The following ADAM22 variants were observed in gnomAD, a reference collection of about 807,000 sequenced individuals.
ADAM22 encodes the protein disintegrin and metalloproteinase domain-containing protein 22.
In ADAM22, 65 loss-of-function variants were observed where a neutral mutation model predicts 144.6. The ratio of observed to expected loss-of-function variants is 0.45; its 90% confidence interval spans 0.37 to 0.55. The LOEUF is 0.55. Among genes scored for constraint, ADAM22 ranks in the 20% least tolerant of loss-of-function variants. The pLI is 0.00. For missense variants in ADAM22, 974 were observed against 1,184.9 expected (o/e 0.82, Z 2.61); for synonymous variants, 391 against 412.6 (o/e 0.95, Z 0.63).
At chr7:87,959,110 T>C (rs1256576963) in intron 2 of ADAM22, among the ~76,000 whole-genome samples, 1 of 152,138 alleles carries the variant, frequency 6.6e-6, no homozygotes, top group African/African-American at 2.4e-5. Context: ...TGTAGTTTTT[T>C]TTTTAAAAAA....
chr7:88,000,634 C>G (rs528639206), intron 3 of ADAM22, among the ~76,000 whole-genome samples: 8 of 151,948 alleles, frequency 5.3e-5, no homozygotes, highest in Admixed American at 4.6e-4. Flanking sequence ...TTTTTAAAAT[C>G]TTGGTTTTTC....
rs771777317 is a variant in ADAM22 at position 88,075,661 on chromosome 7, T to C, written c.359T>C (p.Ile120Thr). ...LLSSEYIERH[I>T]EHGGKTVEVK... Reference sequence around the variant, plus strand: ...TCCTCTGAATACATAGAGAGACACATTGAACATGGAGGCAAGACTGTGGAA... The same window carrying C: ...TCCTCTGAATACATAGAGAGACACACTGAACATGGAGGCAAGACTGTGGAA... The change falls in exon 4 of 32, where the codon ATT (isoleucine) becomes ACT (threonine). Residue 120 changes from isoleucine (I) to threonine (T), a missense_variant. Physicochemically the swap from Ile to Thr is moderately conservative, Grantham distance 89. Coordinates refer to ENST00000413139, the MANE Select transcript of ADAM22 (RefSeq NM_001324418.2). 14 of 1,613,756 alleles carry C rather than the reference T, an allele frequency of 8.7e-6. No homozygotes were observed. The highest frequency in any genetic ancestry group is 2.2e-5 in the South Asian group (2 of 91,066).
chr7:88,029,415 A>G (rs974559636), intron 3 of ADAM22, among the ~76,000 whole-genome samples: 22 of 151,896 alleles, frequency 1.4e-4, no homozygotes, highest in Non-Finnish European at 3.1e-4. Context: ...TCTACTTTTT[A>G]TTGTACTGTC....
intron 3 of ADAM22, among the ~76,000 whole-genome samples, chr7:87,997,753 C>T (rs935039926): frequency 1.3e-5 from 2 of 152,210 alleles, no homozygotes; most frequent in African/African-American, 4.8e-5. Context: ...GCTCTTATTC[C>T]ACCATATCTT....
chr7:88,193,793 G>T (rs1218848140), intron 31 of ADAM22, among the ~76,000 whole-genome samples: 2 of 152,218 alleles, frequency 1.3e-5, no homozygotes, highest in Non-Finnish European at 2.9e-5. Flanking sequence ...TTTAGCTGCT[G>T]GTTAGACTCT....
At chr7:88,079,428 A>G (rs1421439904) in intron 4 of ADAM22, among the ~76,000 whole-genome samples, 1 of 152,194 alleles carries the variant, frequency 6.6e-6, no homozygotes, top group East Asian at 1.9e-4. Flanking sequence ...CTAGGAAGAA[A>G]CTGCATCAAC....
At chr7:87,944,937 T>A (rs1046642805) in intron 2 of ADAM22, among the ~76,000 whole-genome samples, 1 of 151,490 alleles carries the variant, frequency 6.6e-6, no homozygotes, top group Non-Finnish European at 1.5e-5. Context: ...ATGTGTGTGT[T>A]TTTTTCTTTT....
At chr7:87,972,824 G>C (rs1412133851) in intron 2 of ADAM22, among the ~76,000 whole-genome samples, 4 of 152,012 alleles carry the variant, frequency 2.6e-5, no homozygotes, top group African/African-American at 7.2e-5. Context: ...ACAAACCTGA[G>C]AAAAACCAGC....
intron 29 of ADAM22, 191 bp from the exon 30 acceptor site, chr7:88,186,424 C>G (rs1848325763): frequency 1.8e-5 from 11 of 595,784 alleles, no homozygotes; most frequent in East Asian, 1.2e-4. Context: ...CTTGATTGAG[C>G]CTTGTTGTAG....
chr7:88,181,326 T>C (rs1846959528), intron 27 of ADAM22, among the ~76,000 whole-genome samples, 179 bp from the exon 28 acceptor site: 1 of 152,178 alleles, frequency 6.6e-6, no homozygotes, highest in Non-Finnish European at 1.5e-5. Context: ...AATTGGATGT[T>C]GTGTAATTCT....
intron 3 of ADAM22, among the ~76,000 whole-genome samples, chr7:88,034,873 A>G (rs141159225): frequency 6.6e-6 from 1 of 152,288 alleles, no homozygotes; most frequent in Non-Finnish European, 1.5e-5. Context: ...TCTCTGTGCC[A>G]TGAGGCTGCT....
At chr7:88,067,300 G>C (rs1021822070) in intron 3 of ADAM22, among the ~76,000 whole-genome samples, 1 of 151,022 alleles carries the variant, frequency 6.6e-6, no homozygotes, top group African/African-American at 2.4e-5. Flanking sequence ...CAATGTGCAG[G>C]TTAGTTACAT....
At position 88,145,436 on chromosome 7, in the gene ADAM22, G is replaced by A. The variant is rs747898058; in HGVS notation, c.1414G>A (p.Glu472Lys). The change falls in exon 17 of 32, where the codon GAG becomes AAG. Residue 472 changes from glutamate to lysine, a missense_variant. Glu to Lys is a moderately conservative substitution (Grantham distance 56). This residue lies in a region of ADAM22 where 734 missense variants were observed against 950.6 expected (regional missense o/e 0.77). Transcript: ENST00000413139. ...TTAGGAATGTGTCCTTGAAGGAGCAGAGTGTTGTAAGAAATGCACCTTGAC... is the reference window on the plus strand; with the variant it reads ...TTAGGAATGTGTCCTTGAAGGAGCAAAGTGTTGTAAGAAATGCACCTTGAC... ...TPAECVLEGA[E>K]CCKKCTLTQD... 1 of 1,613,518 alleles carries A rather than the reference G, an allele frequency of 6.2e-7. No individual in the cohort carries two copies.
At chr7:88,013,436 AT>A (rs572415264) in intron 3 of ADAM22, among the ~76,000 whole-genome samples, 1 of 151,836 alleles carries the variant, frequency 6.6e-6, no homozygotes, top group Non-Finnish European at 1.5e-5. Context: ...ATTAATTTTC[AT>A]TTTTTGTCAC....
chr7:88,046,806 T>C (rs1194794429), intron 3 of ADAM22, among the ~76,000 whole-genome samples: 5 of 152,244 alleles, frequency 3.3e-5, no homozygotes. Context: ...TCCAACACTA[T>C]TACAGTTAGG....
At chr7:87,942,709 T>C (rs1481966172) in intron 2 of ADAM22, among the ~76,000 whole-genome samples, 1 of 152,178 alleles carries the variant, frequency 6.6e-6, no homozygotes, top group African/African-American at 2.4e-5. Context: ...AAACACCTCT[T>C]GAAGGACACG....
chr7:87,959,518 G>A (rs1847575526), intron 2 of ADAM22, among the ~76,000 whole-genome samples: 1 of 152,048 alleles, frequency 6.6e-6, no homozygotes, highest in Non-Finnish European at 1.5e-5. Context: ...TTTGCTCTCT[G>A]GTGCTAGTTT....
chr7:88,046,082 A>G (rs1426794886), intron 3 of ADAM22, among the ~76,000 whole-genome samples: 1 of 152,216 alleles, frequency 6.6e-6, no homozygotes, highest in Admixed American at 6.5e-5. Flanking sequence ...ATGCATACCC[A>G]GAAGGGGGAG....
intron 2 of ADAM22, among the ~76,000 whole-genome samples, chr7:87,977,963 A>G (rs1341865082): frequency 6.6e-6 from 1 of 152,132 alleles, no homozygotes; most frequent in Non-Finnish European, 1.5e-5. Flanking sequence ...ATATTATTTT[A>G]TTCTTGAATT....
Sources: gnomAD v4.1 joint callset for allele counts (sites outside exome capture counted in the v4.1 genomes callset) on GRCh38, gnomAD v4.1.1 for gene constraint, gnomAD v4.1.1 regional missense constraint, MANE v1.5 for transcripts, NCBI Gene and HGNC (gene_info 2026-07-23, HGNC 2026-07-21) for gene names.